INHBA: variants seen among roughly 807,000 people sequenced by gnomAD.
INHBA encodes the protein inhibin subunit beta A.
Under a neutral mutation model 29.0 loss-of-function variants are expected in INHBA, and 1 was observed. The observed-to-expected ratio is 0.03, with a 90% CI of 0.01 to 0.16. The LOEUF (loss-of-function observed/expected upper bound fraction) is 0.16, where lower values mean the gene tolerates loss of function less well. Among genes scored for constraint, INHBA ranks in the 10% least tolerant of loss-of-function variants. INHBA has a pLI of 1.00. For synonymous variants in INHBA, 242 were observed against 216.8 expected, an observed-to-expected ratio of 1.12 and a Z score of -1.02; for missense variants, 376 against 545.4, an observed-to-expected ratio of 0.69 and a Z score of 3.09.
intron 2 of INHBA, among the ~76,000 whole-genome samples, chr7:41,694,821 G>GA (rs146775052): frequency 0.014 from 2,115 of 152,232 alleles, 54 homozygotes; most frequent in African/African-American, 0.047. Flanking sequence ...AAGAGGTGCA[G>GA]AAAAATGGGC....
At position 41,691,313 on chromosome 7, in the gene INHBA, C is replaced by T. The variant is rs1366985513; in HGVS notation, c.389-771G>A. On this transcript the variant is annotated intron_variant, in intron 2 of 2. Transcript: ENST00000242208. ...TGCAGCAGCATTTTCTTTACTTTGC[C>T]TCTGCAACACTAAGGAAGGCCTCCT... The T allele has an allele frequency of 3.9e-5, 6 of 152,366 alleles. 1 individual carries two copies. Among genetic ancestry groups the T allele is most frequent in the African/African-American group, 1.4e-4 (6 of 41,448 alleles). The allele number at this position is 152,366 out of a possible 1,614,324, so 9.4% of individuals were successfully genotyped here.
intron 2 of INHBA, among the ~76,000 whole-genome samples, chr7:41,695,902 G>A (rs996661976): frequency 6.6e-6 from 1 of 152,158 alleles, no homozygotes; most frequent in Non-Finnish European, 1.5e-5. Flanking sequence ...AGACAAATAT[G>A]TGTTTTCAAG....
Position 41,690,301 on chromosome 7 carries a change from T to G in INHBA, c.630A>C (p.Val210=), listed in dbSNP as rs750889995. The change falls in exon 3 of 3, where the codon GTA becomes GTC. Residue 210 remains valine (V), a synonymous_variant. Transcript: ENST00000242208. The part of the protein sequence containing the change: ...ERSELLLSEK[V]VDARKSTWHV... ...GCCAGGTGCTCTTCCGAGCGTCTAC[T>G]ACTTTTTCAGAGAGCAACAGTTCAC... 8.7e-6 allele frequency: 14 copies of G among 1,614,076 alleles called. No homozygotes were observed. Among genetic ancestry groups the G allele is most frequent in the Middle Eastern group, 1.7e-4 (1 of 6,060 alleles).
chr7:41,691,434 A>G (rs1430496251), intron 2 of INHBA: 2 of 152,260 alleles, frequency 1.3e-5, no homozygotes, highest in Non-Finnish European at 2.9e-5. Flanking sequence ...CTGAATTCCT[A>G]TTGCTCAGTA....
At position 41,689,102 on chromosome 7, in the gene INHBA, CTGTGTGTGTGTG is replaced by C. The variant is rs56919042; in HGVS notation, c.*536_*547del. The C allele has an allele frequency of 1.4e-3, 308 of 224,838 alleles. 3 individuals are homozygous for C. The highest frequency in any genetic ancestry group is 6.6e-3 in the African/African-American group (283 of 43,188). 13.9% of individuals were successfully genotyped at this position (224,838 alleles called of 1,614,324 possible). ...GTATATATGTAATGTGTGGAAATGC[CTGTGTGTGTGTG>C]TGTGTGTGTGTGTGTGTGTGTGTAT... On this transcript the variant is annotated 3_prime_UTR_variant, in exon 3 of 3. Transcript: ENST00000242208.
rs1336321820 is a variant in INHBA at position 41,687,395 on chromosome 7, G to A, written c.*2255C>T. On this transcript the variant is annotated 3_prime_UTR_variant, in exon 3 of 3. Transcript: ENST00000242208. The stretch of plus-strand genomic sequence containing the variant: ...GAAACTTTTTTCCATTTTTCAAAAT[G>A]TTTGCCAACTTCACACAAGTGTGTA... 6.6e-6 allele frequency: 1 copy of A among 151,942 alleles called. No homozygotes were observed. Among genetic ancestry groups the A allele is most frequent in the Non-Finnish European group, 1.5e-5 (1 of 67,976 alleles). 9.4% of individuals were successfully genotyped at this position (151,942 alleles called of 1,614,324 possible). A position where few individuals can be genotyped will look rare whatever the true frequency, so the allele number is the denominator to read the frequency against.
intron 2 of INHBA, among the ~76,000 whole-genome samples, chr7:41,693,322 T>A (rs1367539732): frequency 6.6e-6 from 1 of 152,186 alleles, no homozygotes; most frequent in African/African-American, 2.4e-5. Context: ...GGGGTCAGGG[T>A]GAAGCCGATG....
intron 1 of INHBA, 23 bp from the exon 2 acceptor site, chr7:41,700,540 T>C (rs1794759810): frequency 6.4e-6 from 4 of 626,482 alleles, no homozygotes; most frequent in African/African-American, 1.9e-5. Context: ...CAAAAAGTTT[T>C]CTGTGAAGTT....
rs1379000367 is a variant in INHBA at position 41,690,333 on chromosome 7, C to T, written c.598G>A (p.Glu200Lys). Residue 200 changes from glutamate (E) to lysine (K), a missense_variant, in exon 3 of 3, where the codon GAG (glutamate) becomes AAG (lysine). Glu to Lys is a moderately conservative substitution (Grantham distance 56, BLOSUM62 1). Around this residue, in one of 4 missense-constraint regions of INHBA, gnomAD observed 253 missense variants for 313.4 expected, o/e 0.81. Transcript: ENST00000242208. Reference sequence around the variant, plus strand: ...TCAGAGAGCAACAGTTCACTCCTCTCCCCCTTTAAGCCCACTTCCTCGGCC... The same window carrying T: ...TCAGAGAGCAACAGTTCACTCCTCTTCCCCTTTAAGCCCACTTCCTCGGCC... ...EEAEEVGLKG[E>K]RSELLLSEKV... 6.2e-7 allele frequency: 1 copy of T among 1,613,988 alleles called. No individual in the cohort carries two copies. Among genetic ancestry groups the T allele is most frequent in the Non-Finnish European group, 8.5e-7 (1 of 1,180,036 alleles).
In INHBA at chr7:41,700,403, T is replaced by A; in HGVS notation, c.-29A>T. On this transcript the variant is annotated 5_prime_UTR_variant, in exon 2 of 3. The change creates a new upstream start codon in the 5' untranslated region. Coordinates refer to ENST00000242208, the MANE Select transcript of INHBA (RefSeq NM_002192.4). ...GGCAGCAAAAGTTGTTGTGATTGCCTTTTTAAAAGGCCCTGCTTTTCCTCC... is the reference window on the plus strand; with the variant it reads ...GGCAGCAAAAGTTGTTGTGATTGCCATTTTAAAAGGCCCTGCTTTTCCTCC... 7.1e-7 allele frequency: 1 copy of A among 1,408,384 alleles called. No individual in the cohort carries two copies. 87.2% of individuals were successfully genotyped at this position (1,408,384 alleles called of 1,614,324 possible).
intron 2 of INHBA, among the ~76,000 whole-genome samples, chr7:41,699,005 G>A (rs1484620987): frequency 6.6e-6 from 1 of 152,208 alleles, no homozygotes; most frequent in East Asian, 1.9e-4. Flanking sequence ...TAACACATCT[G>A]TGTGCCTGAC....
rs1164653067 is a variant in INHBA at position 41,687,311 on chromosome 7, G to C, written c.*2339C>G. 2.0e-5 allele frequency: 3 copies of C among 152,090 alleles called. No individual in the cohort carries two copies. The East Asian group carries it at 5.8e-4, about 29-fold the overall frequency. 9.4% of individuals were successfully genotyped at this position (152,090 alleles called of 1,614,324 possible). On this transcript the variant is annotated 3_prime_UTR_variant, in exon 3 of 3. Coordinates refer to ENST00000242208, the MANE Select transcript of INHBA (RefSeq NM_002192.4). ...TTATTTTAATCTACAAATTGACATA[G>C]GGCTAAAAGCTTCAATATTTTACAA...
chr7:41,695,956 A>T lies in INHBA; in HGVS notation c.388+4031T>A, dbSNP rs182633994. Among the ~76,000 whole-genome samples the T allele has an allele frequency of 1.2e-4, 18 of 152,266 alleles. No homozygotes were observed. The East Asian group carries it at 3.5e-3, about 29-fold the overall frequency. On this transcript the variant is annotated intron_variant, in intron 2 of 2. Coordinates refer to ENST00000242208, the MANE Select transcript of INHBA (RefSeq NM_002192.4). Reference sequence around the variant, plus strand: ...ATTACTGCAGTTCTTTAAATATTACAACGGACTTTCCACCCTGGCATCTCC... The same window carrying T: ...ATTACTGCAGTTCTTTAAATATTACTACGGACTTTCCACCCTGGCATCTCC...
intron 1 of INHBA, among the ~76,000 whole-genome samples, chr7:41,702,649 A>C (rs1794821963): frequency 6.6e-6 from 1 of 152,214 alleles, no homozygotes; most frequent in African/African-American, 2.4e-5. Context: ...AATGGCTCTA[A>C]ACAACTCAGG....
upstream of INHBA, among the ~76,000 whole-genome samples, chr7:41,704,275 A>C (rs1583603861): frequency 6.6e-6 from 1 of 151,878 alleles, no homozygotes; most frequent in Non-Finnish European, 1.5e-5. Context: ...GGCTAGATAC[A>C]GAGAAAGTGT....
Position 41,687,535 on chromosome 7 carries a change from A to G in INHBA, c.*2115T>C, listed in dbSNP as rs1398361952. On this transcript the variant is annotated 3_prime_UTR_variant, in exon 3 of 3. Transcript: ENST00000242208. ...AACTTGGCTTTAAGCATGTACTTTG[A>G]TATTTATAAAACAAAGGTGTTTTTT... is the stretch of plus-strand genomic sequence containing the variant. 6.6e-6 allele frequency: 1 copy of G among 152,192 alleles called. No individual in the cohort carries two copies. The highest frequency in any genetic ancestry group is 1.5e-5 in the Non-Finnish European group (1 of 68,038). 9.4% of individuals were successfully genotyped at this position (152,192 alleles called of 1,614,324 possible). A position where few individuals can be genotyped will look rare whatever the true frequency, so the allele number is the denominator to read the frequency against.
At position 41,698,593 on chromosome 7, in the gene INHBA, T is replaced by G. The variant is rs541282216; in HGVS notation, c.388+1394A>C. On this transcript the variant is annotated intron_variant, in intron 2 of 2. Transcript: ENST00000242208. ...ATGATCATGCCTTTTGGGGCTGGGT[T>G]AAGAAAGAGCTTTAGGGAAAGAAAG... Among the ~76,000 whole-genome samples, 5 of 152,260 alleles carry G rather than the reference T, an allele frequency of 3.3e-5. No homozygotes were observed. The South Asian group carries it at 1.0e-3, about 32-fold the overall frequency.
In INHBA at chr7:41,685,449, T is replaced by C. The variant is rs971814994; in HGVS notation, c.*4201A>G. 1 of 151,974 alleles carries C rather than the reference T, an allele frequency of 6.6e-6. No individual in the cohort carries two copies. Among genetic ancestry groups the C allele is most frequent in the Non-Finnish European group, 1.5e-5 (1 of 67,914 alleles). The allele number at this position is 151,974 out of a possible 1,614,324, so 9.4% of individuals were successfully genotyped here. A position where few individuals can be genotyped will look rare whatever the true frequency, so the allele number is the denominator to read the frequency against. On this transcript the variant is annotated 3_prime_UTR_variant, in exon 3 of 3. Coordinates refer to ENST00000242208, the MANE Select transcript of INHBA (RefSeq NM_002192.4). Reference sequence around the variant, plus strand: ...ATTGGTTAAAGAACTGCATGTAGTATGCAAAACAAAACAAAACAAAACAAA... The same window carrying C: ...ATTGGTTAAAGAACTGCATGTAGTACGCAAAACAAAACAAAACAAAACAAA...
intron 2 of INHBA, among the ~76,000 whole-genome samples, chr7:41,699,779 G>C (rs766266733): frequency 6.6e-6 from 1 of 152,028 alleles, no homozygotes; most frequent in Non-Finnish European, 1.5e-5. Flanking sequence ...GGCAGAGCTC[G>C]ACCGAGAATT....
Sources: gnomAD v4.1 joint callset for allele counts (sites outside exome capture counted in the v4.1 genomes callset) on GRCh38, gnomAD v4.1.1 for gene constraint, gnomAD v4.1.1 regional missense constraint, MANE v1.5 for transcripts, NCBI Gene and HGNC (gene_info 2026-07-23, HGNC 2026-07-21) for gene names.